Variants in WDFY1 observed in about 807,000 individuals in gnomAD.
WDFY1 encodes WD repeat and FYVE domain-containing protein 1.
WDFY1 carries 32 observed loss-of-function variants against 56.4 expected under a neutral mutation model. The ratio of observed to expected loss-of-function variants is 0.57; its 90% CI spans 0.43 to 0.76. The LOEUF (loss-of-function observed/expected upper bound fraction) is 0.76. Ranked by LOEUF, WDFY1 falls within the 30% of genes least tolerant of loss-of-function variation. The pLI is 0.00. For synonymous variants in WDFY1, 192 were observed against 197.3 expected, an observed-to-expected ratio of 0.97 and a Z score of 0.23; for missense variants, 480 against 545.7, an observed-to-expected ratio of 0.88 and a Z score of 1.20.
At chr2:223,915,309 A>C (rs893995321) in intron 2 of WDFY1, among the ~76,000 whole-genome samples, 2 of 152,350 alleles carry the variant, frequency 1.3e-5, no homozygotes, top group African/African-American at 4.8e-5. Flanking sequence ...TTGAGCTAGA[A>C]GCTCCTTCAG....
intron 1 of WDFY1, among the ~76,000 whole-genome samples, chr2:223,924,965 A>G (rs16865335): frequency 0.019 from 2,948 of 152,276 alleles, 86 homozygotes; most frequent in Middle Eastern, 0.065. Flanking sequence ...CACTAATGAT[A>G]AACTTTGATT....
At chr2:223,940,728 C>G (rs1209624553) in intron 1 of WDFY1, among the ~76,000 whole-genome samples, 3 of 151,834 alleles carry the variant, frequency 2.0e-5, no homozygotes, top group Non-Finnish European at 2.9e-5. Context: ...CTGCAACCTC[C>G]GCCTCCCAGG....
intron 2 of WDFY1, among the ~76,000 whole-genome samples, chr2:223,913,590 A>C (rs1693739423): frequency 6.6e-6 from 1 of 152,206 alleles, no homozygotes; most frequent in Admixed American, 6.5e-5. Flanking sequence ...GTTCTTTAAT[A>C]AACCATGCAT....
At chr2:223,899,226 AC>A in intron 5 of WDFY1, 156 bp from the exon 6 acceptor site, 1 of 563,330 alleles carries the variant, frequency 1.8e-6, no homozygotes, top group Non-Finnish European at 3.1e-6. Flanking sequence ...GAAAGGAAAC[AC>A]CCAACTGAAA....
intron 2 of WDFY1, among the ~76,000 whole-genome samples, chr2:223,913,107 G>GGGTGGCT (rs1466817525): frequency 6.6e-6 from 1 of 151,614 alleles, no homozygotes; most frequent in African/African-American, 2.4e-5. Flanking sequence ...CGGGTGGGTA[G>GGGTGGCT]GGTGGCTCAT....
At chr2:223,908,652 T>C (rs1372676398) in intron 3 of WDFY1, among the ~76,000 whole-genome samples, 2 of 152,036 alleles carry the variant, frequency 1.3e-5, no homozygotes, top group Non-Finnish European at 2.9e-5. Context: ...CTGCTCTCTC[T>C]AGTTCACGGC....
At chr2:223,937,373 T>C (rs1300770222) in intron 1 of WDFY1, among the ~76,000 whole-genome samples, 4 of 152,202 alleles carry the variant, frequency 2.6e-5, no homozygotes, top group Non-Finnish European at 5.9e-5. Context: ...AGCTAACACT[T>C]GTATAGTGCT....
At chr2:223,935,435 T>G (rs1038019608) in intron 1 of WDFY1, among the ~76,000 whole-genome samples, 1 of 152,234 alleles carries the variant, frequency 6.6e-6, no homozygotes, top group Non-Finnish European at 1.5e-5. Flanking sequence ...AATCAGTATA[T>G]ATGTGCTAAT....
At chr2:223,934,178 T>A (rs964556577) in intron 1 of WDFY1, among the ~76,000 whole-genome samples, 3 of 150,512 alleles carry the variant, frequency 2.0e-5, no homozygotes, top group African/African-American at 7.4e-5. Context: ...AACCTCCGCT[T>A]CCCAAGTTCA....
intron 1 of WDFY1, among the ~76,000 whole-genome samples, chr2:223,944,121 A>C (rs1019403250): frequency 6.6e-6 from 1 of 152,376 alleles, no homozygotes; most frequent in East Asian, 1.9e-4. Context: ...ATAAGAGTTC[A>C]GGTGATTCTA....
At chr2:223,880,765 A>AT (rs386392765) in intron 10 of WDFY1, among the ~76,000 whole-genome samples, 6,044 of 148,886 alleles carry the variant, frequency 0.041, 237 homozygotes, top group African/African-American at 0.11. Context: ...AAAATAACTG[A>AT]TTTTTTTTTT....
intron 2 of WDFY1, among the ~76,000 whole-genome samples, chr2:223,914,171 A>AT (rs1332782683): frequency 4.0e-5 from 6 of 151,848 alleles, no homozygotes; most frequent in Non-Finnish European, 7.4e-5. Context: ...TAATTCTTGT[A>AT]TTTTTAGTAT....
chr2:223,880,036 G>T, intron 11 of WDFY1, 88 bp downstream of exon 11: 1 of 1,152,468 alleles, frequency 8.7e-7, no homozygotes, highest in Non-Finnish European at 1.3e-6. Flanking sequence ...AAGCTTGCCA[G>T]TCAGAAAGAG....
At chr2:223,895,658 A>C in intron 6 of WDFY1, 28 bp from the exon 7 acceptor site, 1 of 1,607,744 alleles carries the variant, frequency 6.2e-7, no homozygotes, top group Non-Finnish European at 8.5e-7. Flanking sequence ...AGAGAGAGAG[A>C]GGGAGGCAGG....
At chr2:223,913,911 T>A (rs1693745238) in intron 2 of WDFY1, among the ~76,000 whole-genome samples, 2 of 151,312 alleles carry the variant, frequency 1.3e-5, no homozygotes, top group South Asian at 4.2e-4. Flanking sequence ...GGTTTCTAAC[T>A]GAGATAAGCA....
At chr2:223,938,613 C>T (rs1689242584) in intron 1 of WDFY1, among the ~76,000 whole-genome samples, 1 of 152,078 alleles carries the variant, frequency 6.6e-6, no homozygotes, top group African/African-American at 2.4e-5. Context: ...GACATTAATC[C>T]ATAAAGGTTT....
intron 1 of WDFY1, among the ~76,000 whole-genome samples, chr2:223,937,093 G>T (rs895550322): frequency 5.3e-5 from 8 of 152,122 alleles, no homozygotes; most frequent in Non-Finnish European, 1.2e-4. Flanking sequence ...AATATAGCAG[G>T]GGAAAGATGT....
intron 1 of WDFY1, among the ~76,000 whole-genome samples, chr2:223,939,821 C>A (rs1473671487): frequency 6.6e-6 from 1 of 152,192 alleles, no homozygotes; most frequent in Admixed American, 6.5e-5. Context: ...TCCCCCACAT[C>A]ATGACAACCA....
intron 1 of WDFY1, among the ~76,000 whole-genome samples, chr2:223,923,154 C>T (rs956242568): frequency 6.6e-6 from 1 of 152,122 alleles, no homozygotes; most frequent in African/African-American, 2.4e-5. Flanking sequence ...TCTGGCATTC[C>T]CTTCCATCTC....
Sources: gnomAD v4.1 joint callset for allele counts (sites outside exome capture counted in the v4.1 genomes callset) on GRCh38, gnomAD v4.1.1 for gene constraint, MANE v1.5 for transcripts, NCBI Gene and HGNC (gene_info 2026-07-23, HGNC 2026-07-21) for gene names.